Variants in SLC22A11 observed in about 807,000 individuals in gnomAD.
SLC22A11 encodes the protein organic anion transporter 4.
A neutral mutation model predicts 49.4 loss-of-function variants in SLC22A11; 42 were observed. The observed-to-expected ratio is 0.85, with a 90% CI of 0.66 to 1.10. The LOEUF (loss-of-function observed/expected upper bound fraction) is 1.10, where lower values mean the gene tolerates loss of function less well. SLC22A11 is among the 50% of genes least tolerant of loss of function. SLC22A11 has a pLI of 0.00. For synonymous variants in SLC22A11, 304 were observed against 315.8 expected, an observed-to-expected ratio of 0.96 and a Z score of 0.40; for missense variants, 685 against 731.6, an observed-to-expected ratio of 0.94 and a Z score of 0.74.
In SLC22A11 at chr11:64,567,826, G is replaced by T; in HGVS notation, c.1273+13G>T. ...CTGGTGCCGCAAGGTGAGGCAGGCGGACTGGGCGGTGGGACCGGGCCCTGC... is the reference window on the plus strand; with the variant it reads ...CTGGTGCCGCAAGGTGAGGCAGGCGTACTGGGCGGTGGGACCGGGCCCTGC... On this transcript the variant is annotated intron_variant, in intron 7 of 9. Coordinates refer to ENST00000301891, the MANE Select transcript of SLC22A11 (RefSeq NM_018484.4). 2 of 1,564,596 alleles carry T rather than the reference G, an allele frequency of 1.3e-6. No individual in the cohort carries two copies.
rs766919159 is a variant in SLC22A11, at chr11:64,555,965, G to C, written c.-35G>C. 4 of 1,557,166 alleles carry C rather than the reference G, an allele frequency of 2.6e-6. No individual in the cohort carries two copies. Among genetic ancestry groups the C allele is most frequent in the Non-Finnish European group, 3.5e-6 (4 of 1,155,696 alleles). ...TGCAATCGGTTCCAAACAGCAGTTAGGTCAGCAGTCCGCTCAGCCGAGGCA... is the reference window on the plus strand; with the variant it reads ...TGCAATCGGTTCCAAACAGCAGTTACGTCAGCAGTCCGCTCAGCCGAGGCA... On this transcript the variant is annotated 5_prime_UTR_variant, in exon 1 of 10. Transcript: ENST00000301891.
chr11:64,566,500 A>AT (rs1222160894), intron 6 of SLC22A11: 1 of 151,402 alleles, frequency 6.6e-6, no homozygotes, highest in African/African-American at 2.4e-5. Context: ...AAAAAAAAAA[A>AT]ACCTTCCAGG....
chr11:64,567,722 C>G lies in SLC22A11; in HGVS notation c.1182C>G (p.Leu394=), dbSNP rs753757652. 5.6e-6 allele frequency: 9 copies of G among 1,613,786 alleles called. No homozygotes were observed. Among genetic ancestry groups the G allele is most frequent in the Middle Eastern group, 1.7e-4 (1 of 6,024 alleles). Residue 394 remains leucine, a synonymous_variant, in exon 7 of 10, where the codon CTC becomes CTG. Transcript: ENST00000301891. ...VDFLGRATTA[L]LLSFLGRRTI... ...TCCTGGGCCGGGCCACCACTGCCCT[C>G]TTGCTCAGTTTCCTTGGCCGCCGCA...
At position 64,562,441 on chromosome 11, in the gene SLC22A11, T is replaced by TA; in HGVS notation, c.821+7dup. On this transcript the variant is annotated splice_region_variant and intron_variant, in intron 4 of 9. Transcript: ENST00000301891. This position sits in a 1 kb window ranked among gnomAD's most constrained non-coding sequence, Gnocchi z 4.4. ...GCCATCTCCCTGATATCCTGGTCAGTATGATGTGGGACCTTTTCCTTAGGA... is the reference window on the plus strand; with the variant it reads ...GCCATCTCCCTGATATCCTGGTCAGTAATGATGTGGGACCTTTTCCTTAGGA... 1 of 1,554,248 alleles carries TA rather than the reference T, an allele frequency of 6.4e-7. No homozygotes were observed. Among genetic ancestry groups the TA allele is most frequent in the Non-Finnish European group, 8.7e-7 (1 of 1,149,840 alleles).
At chr11:64,566,485 T>A (rs1369700577) in intron 6 of SLC22A11, 2 of 151,072 alleles carry the variant, frequency 1.3e-5, no homozygotes, top group African/African-American at 4.9e-5. Flanking sequence ...AGTTTTTTTT[T>A]TTAAAAAAAA....
chr11:64,556,353 C>T lies in SLC22A11; in HGVS notation c.354C>T (p.Val118=), dbSNP rs1367913774. 1.2e-6 allele frequency: 2 copies of T among 1,612,614 alleles called. No homozygotes were observed. The highest frequency in any genetic ancestry group is 1.7e-5 in the Admixed American group (1 of 60,012). ...CGGAGCCGTGTGTGGACGGCTGGGTCTATGACCGCAGCGTCTTCACCTCCA... is the reference window on the plus strand; with the variant it reads ...CGGAGCCGTGTGTGGACGGCTGGGTTTATGACCGCAGCGTCTTCACCTCCA... ...ADTEPCVDGW[V]YDRSVFTSTI... The change falls in exon 1 of 10, where the codon GTC becomes GTT. Residue 118 remains valine (V), a synonymous_variant. Coordinates refer to ENST00000301891, the MANE Select transcript of SLC22A11 (RefSeq NM_018484.4).
Position 64,559,228 on chromosome 11 carries a change from C to A in SLC22A11, c.487C>A (p.Leu163Ile), listed in dbSNP as rs1358347335. 9.3e-6 allele frequency: 15 copies of A among 1,605,414 alleles called. No individual in the cohort carries two copies. Among genetic ancestry groups the A allele is most frequent in the Non-Finnish European group, 1.3e-5 (15 of 1,174,770 alleles). ...ILVGSFIWGL[L>I]SYRFGRKPML... Reference sequence around the variant, plus strand: ...GGTGGGCTCCTTTATCTGGGGCCTCCTCTCCTACCGGTGAGTGCCTCCGCT... The same window carrying A: ...GGTGGGCTCCTTTATCTGGGGCCTCATCTCCTACCGGTGAGTGCCTCCGCT... The change falls in exon 2 of 10, where the codon CTC becomes ATC. Residue 163 changes from leucine to isoleucine, a missense_variant. Coordinates refer to ENST00000301891, the MANE Select transcript of SLC22A11 (RefSeq NM_018484.4).
In SLC22A11 at chr11:64,565,538, AT is replaced by A. The variant is rs1281949739; in HGVS notation, c.1058+202del. ...CAGAGAGGGACTATGCACAGGTGGGATCTGGAGGCTGCCATCTGCAGGAAGC... is the reference window on the plus strand; with the variant it reads ...CAGAGAGGGACTATGCACAGGTGGGACTGGAGGCTGCCATCTGCAGGAAGC... On this transcript the variant is annotated intron_variant, in intron 6 of 9. Coordinates refer to ENST00000301891, the MANE Select transcript of SLC22A11 (RefSeq NM_018484.4). This position sits in a 1 kb window ranked among gnomAD's most constrained non-coding sequence, Gnocchi z 4.1. The A allele has an allele frequency of 1.5e-6, 1 of 649,490 alleles. No homozygotes were observed. Among genetic ancestry groups the A allele is most frequent in the Non-Finnish European group, 2.8e-6 (1 of 351,588 alleles). The allele number at this position is 649,490 out of a possible 1,614,324, so 40.2% of individuals were successfully genotyped here.
rs747336042 is a variant in SLC22A11 at position 64,556,395 on chromosome 11, A to G, written c.393+3A>G. On this transcript the variant is annotated splice_donor_region_variant and intron_variant, in intron 1 of 9. Transcript: ENST00000301891. ...TCACCTCCACCATCGTGGCCAAGGT[A>G]GGGCCTCCCCCAGAGCCACTCGAGT... 1 of 1,609,788 alleles carries G rather than the reference A, an allele frequency of 6.2e-7. No homozygotes were observed. The highest frequency in any genetic ancestry group is 1.1e-5 in the South Asian group (1 of 91,072).
intron 1 of SLC22A11, among the ~76,000 whole-genome samples, chr11:64,558,381 G>A (rs2038492659): frequency 1.3e-5 from 2 of 152,216 alleles, no homozygotes; most frequent in Admixed American, 1.3e-4. Context: ...CCCACTGGAG[G>A]CTACTGCAGC....
intron 7 of SLC22A11, 41 bp downstream of exon 7, chr11:64,567,854 C>A (rs1219444040): frequency 6.5e-7 from 1 of 1,532,722 alleles, no homozygotes; most frequent in Admixed American, 2.0e-5. Context: ...GGCCCTGCTT[C>A]CCCGCCCACC....
At position 64,562,828 on chromosome 11, in the gene SLC22A11, G is replaced by C. The variant is rs1205119789; in HGVS notation, c.821+393G>C. 1.3e-5 allele frequency among the ~76,000 whole-genome samples: 2 copies of C among 152,206 alleles called. No individual in the cohort carries two copies. Among genetic ancestry groups the C allele is most frequent in the Admixed American group, 1.3e-4 (2 of 15,282 alleles). ...ACTGGGCTGAACTTCGGCCACAGTG[G>C]AAGCGGCCGCTCTCCCGGTCCCCAA... On this transcript the variant is annotated intron_variant, in intron 4 of 9. Coordinates refer to ENST00000301891, the MANE Select transcript of SLC22A11 (RefSeq NM_018484.4). This position sits in a 1 kb window ranked among gnomAD's most constrained non-coding sequence, Gnocchi z 4.4.
chr11:64,562,170 G>A lies in SLC22A11; in HGVS notation c.652+12G>A. On this transcript the variant is annotated intron_variant, in intron 3 of 9. Transcript: ENST00000301891. This position sits in a 1 kb window ranked among gnomAD's most constrained non-coding sequence, Gnocchi z 4.4. ...TTCACTGACACTGAGTGAGTCCCCGGCTCAGCGCGCTCCTGCCATGGGGGC... is the reference window on the plus strand; with the variant it reads ...TTCACTGACACTGAGTGAGTCCCCGACTCAGCGCGCTCCTGCCATGGGGGC... 1 of 1,611,386 alleles carries A rather than the reference G, an allele frequency of 6.2e-7. No individual in the cohort carries two copies. Among genetic ancestry groups the A allele is most frequent in the Non-Finnish European group, 8.5e-7 (1 of 1,178,442 alleles).
At chr11:64,561,029 T>C (rs1324697302) in intron 2 of SLC22A11, among the ~76,000 whole-genome samples, 1 of 152,212 alleles carries the variant, frequency 6.6e-6, no homozygotes, top group Non-Finnish European at 1.5e-5. Context: ...GCGAGTGTCC[T>C]TGCTCCTGGG....
rs756850871 is a variant in SLC22A11, at chr11:64,567,630, G to C, written c.1090G>C (p.Val364Leu). The C allele has an allele frequency of 6.2e-7, 1 of 1,614,100 alleles. No individual in the cohort carries two copies. Among genetic ancestry groups the C allele is most frequent in the Non-Finnish European group, 8.5e-7 (1 of 1,180,024 alleles). ...TCTATTGATCTCCTACTATGGGCTG[G>C]TCTTCGACCTGCAGAGCCTGGGCCG... Reference protein sequence around the residue: ...FSLLISYYGLVFDLQSLGRDI... With the variant: ...FSLLISYYGLLFDLQSLGRDI... The change falls in exon 7 of 10, where the codon GTC becomes CTC. Residue 364 changes from valine to leucine, a missense_variant. Physicochemically the swap from Val to Leu is conservative, Grantham distance 32. Coordinates refer to ENST00000301891, the MANE Select transcript of SLC22A11 (RefSeq NM_018484.4).
intron 7 of SLC22A11, 84 bp from the exon 8 acceptor site, chr11:64,568,586 G>A: frequency 1.7e-6 from 2 of 1,163,702 alleles, no homozygotes; most frequent in Non-Finnish European, 1.3e-6. Flanking sequence ...GGTCCCCTCT[G>A]CTCCAGGCTG....
In SLC22A11 at chr11:64,562,503, C is replaced by T; in HGVS notation, c.821+68C>T. On this transcript the variant is annotated intron_variant, in intron 4 of 9. Transcript: ENST00000301891. The surrounding 1 kb of genome is among the most constrained non-coding windows in gnomAD (Gnocchi z 4.4). ...GGAGGGGGACTCTTCACTTTCACCTCTCTGGCTGGCAGTAGGTCCAGAGAC... is the reference window on the plus strand; with the variant it reads ...GGAGGGGGACTCTTCACTTTCACCTTTCTGGCTGGCAGTAGGTCCAGAGAC... The T allele has an allele frequency of 2.1e-6, 3 of 1,459,132 alleles. No individual in the cohort carries two copies. The highest frequency in any genetic ancestry group is 1.4e-5 in the South Asian group (1 of 70,242). 90.4% of individuals were successfully genotyped at this position (1,459,132 alleles called of 1,614,324 possible).
chr11:64,568,205 C>T (rs2038654513), intron 7 of SLC22A11, among the ~76,000 whole-genome samples: 1 of 152,242 alleles, frequency 6.6e-6, no homozygotes, highest in Non-Finnish European at 1.5e-5. Context: ...CAGGCACCTC[C>T]ACGGAGCAAC....
intron 4 of SLC22A11, among the ~76,000 whole-genome samples, chr11:64,563,207 C>T (rs1036919477): frequency 1.3e-5 from 2 of 152,114 alleles, no homozygotes; most frequent in African/African-American, 4.8e-5. Context: ...AATAATTAGG[C>T]CATCCCCGCC....
Sources: allele counts gnomAD v4.1 joint callset (sites outside exome capture counted in the v4.1 genomes callset), GRCh38; gene constraint gnomAD v4.1.1; non-coding constraint Gnocchi (gnomAD v3.1); transcripts MANE v1.5; gene names NCBI Gene and HGNC (gene_info 2026-07-23, HGNC 2026-07-21).